Variants in ST3GAL5 observed in about 807,000 individuals in gnomAD.
ST3GAL5 encodes ST3 beta-galactoside alpha-2,3-sialyltransferase 5.
ST3GAL5 carries 25 observed loss-of-function variants against 46.1 expected under a neutral mutation model. The observed-to-expected ratio is 0.54, with a 90% confidence interval of 0.40 to 0.76. ST3GAL5 has a LOEUF of 0.76. Among genes scored for constraint, ST3GAL5 ranks in the 30% least tolerant of loss-of-function variants. The pLI is 0.00. For missense variants in ST3GAL5, 431 were observed against 521.2 expected (o/e 0.83, Z 1.69); for synonymous variants, 182 against 192.7 (o/e 0.94, Z 0.46).
At chr2:85,843,182 G>A (rs1682358762) in intron 6 of ST3GAL5, among the ~76,000 whole-genome samples, 1 of 152,096 alleles carries the variant, frequency 6.6e-6, no homozygotes, top group South Asian at 2.1e-4. Context: ...CCATAATAAT[G>A]AACATTTAGG....
chr2:85,883,375 C>G (rs1428861440), intron 1 of ST3GAL5, among the ~76,000 whole-genome samples: 1 of 152,194 alleles, frequency 6.6e-6, no homozygotes, highest in Non-Finnish European at 1.5e-5. Flanking sequence ...GTGCCTTTTG[C>G]CCTCCACCAT....
Position 85,867,110 on chromosome 2 carries a change from G to A in ST3GAL5, c.83-3625C>T, listed in dbSNP as rs1573666894. Among the ~76,000 whole-genome samples, 3 of 152,310 alleles carry A rather than the reference G, an allele frequency of 2.0e-5. No individual in the cohort carries two copies. The Middle Eastern group carries it at 0.01, about 518-fold the overall frequency. On this transcript the variant is annotated intron_variant, in intron 1 of 6. Coordinates refer to ENST00000638572, the MANE Select transcript of ST3GAL5 (RefSeq NM_003896.4). Reference sequence around the variant, plus strand: ...GTTTGAGACCAGCCTGGGCAACACAGTGAGACCCTGCCTCTACAAAAAAAT... The same window carrying A: ...GTTTGAGACCAGCCTGGGCAACACAATGAGACCCTGCCTCTACAAAAAAAT...
intron 6 of ST3GAL5, among the ~76,000 whole-genome samples, chr2:85,842,863 C>T (rs969613577): frequency 5.9e-5 from 9 of 151,474 alleles, no homozygotes; most frequent in South Asian, 4.2e-4. Context: ...CCAGGTCAAG[C>T]GATTCTCCTG....
chr2:85,860,474 T>C (rs1386119643), intron 3 of ST3GAL5, among the ~76,000 whole-genome samples: 1 of 152,246 alleles, frequency 6.6e-6, no homozygotes, highest in African/African-American at 2.4e-5. Context: ...GCATTTGATA[T>C]GTCACTTGAT....
At chr2:85,884,660 T>TATAG (rs1030896140) in intron 1 of ST3GAL5, among the ~76,000 whole-genome samples, 1 of 151,680 alleles carries the variant, frequency 6.6e-6, no homozygotes. Flanking sequence ...TCTGCTAGAG[T>TATAG]ATAGATTAGA....
At chr2:85,850,097 T>C (rs1266053675) in intron 3 of ST3GAL5, 1 of 152,162 alleles carries the variant, frequency 6.6e-6, no homozygotes, top group Non-Finnish European at 1.5e-5. Context: ...ATAACAGAGA[T>C]ACTTAATATA....
chr2:85,846,645 G>A (rs781226697), intron 4 of ST3GAL5, 82 bp from the exon 5 acceptor site: 2 of 1,317,806 alleles, frequency 1.5e-6, no homozygotes, highest in Non-Finnish European at 1.1e-6. Context: ...TCCATGTCAT[G>A]TCCTCCACGT....
intron 3 of ST3GAL5, among the ~76,000 whole-genome samples, chr2:85,860,691 G>T (rs951521932): frequency 6.6e-6 from 1 of 151,940 alleles, no homozygotes; most frequent in African/African-American, 2.4e-5. Context: ...TGGGCAACAT[G>T]GCAAGACCCC....
chr2:85,880,514 A>G (rs899610213), intron 1 of ST3GAL5, among the ~76,000 whole-genome samples: 1 of 152,098 alleles, frequency 6.6e-6, no homozygotes, highest in Non-Finnish European at 1.5e-5. Context: ...AAACACACGC[A>G]CTGTCCCTCC....
intron 3 of ST3GAL5, chr2:85,855,728 A>G (rs1159049395): frequency 6.6e-6 from 1 of 152,250 alleles, no homozygotes; most frequent in East Asian, 1.9e-4. Flanking sequence ...CAGAACACAG[A>G]AAGAACTCTT....
At chr2:85,857,066 C>CAAAAAAAA (rs373154047) in intron 3 of ST3GAL5, among the ~76,000 whole-genome samples, 2 of 70,894 alleles carry the variant, frequency 2.8e-5, no homozygotes, top group African/African-American at 6.0e-5. Context: ...CTGCCTCTAC[C>CAAAAAAAA]AAAAAAAAAA....
At chr2:85,872,455 C>T (rs148140196) in intron 1 of ST3GAL5, among the ~76,000 whole-genome samples, 3,126 of 152,036 alleles carry the variant, frequency 0.021, 101 homozygotes, top group African/African-American at 0.072. Flanking sequence ...TGGTGGCGCA[C>T]GCTTGTAATC....
upstream of ST3GAL5, chr2:85,889,004 C>T (rs1045409068): frequency 2.1e-6 from 2 of 949,636 alleles, no homozygotes; most frequent in Non-Finnish European, 1.3e-6. Context: ...GGCCGCCGCT[C>T]CCCCGCTCAG....
At chr2:85,875,819 C>T (rs767730914) in intron 1 of ST3GAL5, among the ~76,000 whole-genome samples, 1 of 152,078 alleles carries the variant, frequency 6.6e-6, no homozygotes, top group Non-Finnish European at 1.5e-5. Context: ...TTTCCCGGGG[C>T]TAGGGAGTTT....
chr2:85,844,595 G>A, intron 5 of ST3GAL5, 41 bp from the exon 6 acceptor site: 1 of 1,612,792 alleles, frequency 6.2e-7, no homozygotes, highest in South Asian at 1.1e-5. Context: ...ATCCTTCTAG[G>A]GGAGGGGAGA....
At chr2:85,886,946 C>T (rs141801404) in intron 1 of ST3GAL5, among the ~76,000 whole-genome samples, 1 of 152,316 alleles carries the variant, frequency 6.6e-6, no homozygotes, top group African/African-American at 2.4e-5. Context: ...TCTCAGTCCT[C>T]CATCGTGTCC....
intron 1 of ST3GAL5, among the ~76,000 whole-genome samples, chr2:85,886,507 T>C (rs948265843): frequency 2.0e-5 from 3 of 151,916 alleles, no homozygotes; most frequent in South Asian, 2.1e-4. Context: ...AGGACACTTA[T>C]GGTATGTCTA....
intron 3 of ST3GAL5, 171 bp downstream of exon 3, chr2:85,861,010 G>T: frequency 1.6e-6 from 1 of 626,160 alleles, no homozygotes; most frequent in Non-Finnish European, 2.9e-6. Flanking sequence ...TTAGTGGTGG[G>T]TTTTTAGAAG....
rs1349686390 is a variant in ST3GAL5, at chr2:85,839,177, C to T, written c.*967G>A. On this transcript the variant is annotated 3_prime_UTR_variant, in exon 7 of 7. Transcript: ENST00000638572. ...CTCAAAAGTTTTTATTCTTTTTCAT[C>T]TTTTTAAACTGGCACACTGCCTGGT... is the stretch of plus-strand genomic sequence containing the variant. 2 of 152,214 alleles carry T rather than the reference C, an allele frequency of 1.3e-5. No homozygotes were observed. The highest frequency in any genetic ancestry group is 4.8e-5 in the African/African-American group (2 of 41,454). 9.4% of individuals were successfully genotyped at this position (152,214 alleles called of 1,614,324 possible).
Sources: gnomAD v4.1 joint callset for allele counts (sites outside exome capture counted in the v4.1 genomes callset) on GRCh38, gnomAD v4.1.1 for gene constraint, MANE v1.5 for transcripts, NCBI Gene and HGNC (gene_info 2026-07-23, HGNC 2026-07-21) for gene names.